Variants in SCP2 observed in about 807,000 individuals in gnomAD.
SCP2 encodes the protein SCP-2/3-oxoacyl-CoA thiolase.
Under a neutral mutation model 71.4 loss-of-function variants are expected in SCP2, and 48 were observed. That is an observed-to-expected ratio of 0.67 (90% CI 0.53 to 0.86). The LOEUF is 0.86. Among genes scored for constraint, SCP2 ranks in the 40% least tolerant of loss-of-function variants. SCP2 has a pLI of 0.00. For synonymous variants in SCP2, 220 were observed against 218.1 expected, an observed-to-expected ratio of 1.01 and a Z score of -0.08; for missense variants, 560 against 655.6, an observed-to-expected ratio of 0.85 and a Z score of 1.59.
intron 4 of SCP2, among the ~76,000 whole-genome samples, chr1:52,954,235 G>A (rs1655593985): frequency 6.6e-6 from 1 of 150,854 alleles, no homozygotes; most frequent in African/African-American, 2.4e-5. Context: ...GATCGTTTGA[G>A]CCTGAGAGGT....
intron 6 of SCP2, among the ~76,000 whole-genome samples, chr1:52,971,370 T>C (rs1378879875): frequency 6.6e-6 from 1 of 152,238 alleles, no homozygotes; most frequent in Admixed American, 6.5e-5. Context: ...TCTCAAGTTT[T>C]ACATTGCTCA....
chr1:52,966,868 G>A (rs1041675038), intron 6 of SCP2, among the ~76,000 whole-genome samples: 1 of 151,430 alleles, frequency 6.6e-6, no homozygotes, highest in Non-Finnish European at 1.5e-5. Context: ...ACTCCAGCCT[G>A]GGTGACAGGA....
At chr1:53,047,063 A>G (rs762501460) in intron 14 of SCP2, among the ~76,000 whole-genome samples, 65 of 152,324 alleles carry the variant, frequency 4.3e-4, no homozygotes, top group East Asian at 9.6e-4. Flanking sequence ...TCCATGTCCA[A>G]GTTCATTCAG....
intron 12 of SCP2, among the ~76,000 whole-genome samples, chr1:53,026,468 T>G (rs1206165788): frequency 6.6e-6 from 1 of 152,290 alleles, no homozygotes; most frequent in South Asian, 2.1e-4. Context: ...ATATCCCCAG[T>G]GTTTTGAAAT....
Position 52,927,339 on chromosome 1 carries a change from G to T in SCP2, c.-58G>T. ...TTCAGGGAGCTCTGGTGCAGTCTCC[G>T]CCTGTCAGTGCCGGCAGTCGTCCGC... On this transcript the variant is annotated 5_prime_UTR_variant, in exon 1 of 16. Transcript: ENST00000371514. 7.0e-7 allele frequency: 1 copy of T among 1,430,212 alleles called. No individual in the cohort carries two copies. Among genetic ancestry groups the T allele is most frequent in the Non-Finnish European group, 9.6e-7 (1 of 1,041,064 alleles). The allele number at this position is 1,430,212 out of a possible 1,614,324, so 88.6% of individuals were successfully genotyped here. A position where few individuals can be genotyped will look rare whatever the true frequency, so the allele number is the denominator to read the frequency against.
At chr1:52,973,534 A>C (rs949922669) in intron 6 of SCP2, among the ~76,000 whole-genome samples, 8 of 152,180 alleles carry the variant, frequency 5.3e-5, no homozygotes, top group African/African-American at 1.9e-4. Flanking sequence ...ACATAATTTG[A>C]CTTGTCTTAT....
At chr1:52,987,069 C>A (rs1347698378) in intron 10 of SCP2, among the ~76,000 whole-genome samples, 2 of 144,906 alleles carry the variant, frequency 1.4e-5, no homozygotes, top group South Asian at 4.4e-4. Flanking sequence ...CACCACCATG[C>A]CTGGCTAATT....
intron 14 of SCP2, 106 bp downstream of exon 14, chr1:53,039,152 TA>T (rs974670586): frequency 3.6e-6 from 5 of 1,377,022 alleles, no homozygotes; most frequent in Non-Finnish European, 5.1e-6. Context: ...GACTGGCTTT[TA>T]ATGTTAAAGA....
At chr1:53,000,267 A>AG (rs1557599296) in intron 11 of SCP2, among the ~76,000 whole-genome samples, 2 of 149,258 alleles carry the variant, frequency 1.3e-5, no homozygotes, top group East Asian at 1.9e-4. Context: ...AAAAAAAAAA[A>AG]AAAGAAAGAA....
chr1:52,991,771 G>A (rs1229170735), intron 11 of SCP2, among the ~76,000 whole-genome samples: 1 of 151,626 alleles, frequency 6.6e-6, no homozygotes, highest in Non-Finnish European at 1.5e-5. Context: ...TCTTTAATTT[G>A]GTTTTTTTTT....
At chr1:52,988,825 A>G (rs1256807032) in intron 11 of SCP2, among the ~76,000 whole-genome samples, 2 of 151,724 alleles carry the variant, frequency 1.3e-5, no homozygotes, top group Non-Finnish European at 2.9e-5. Flanking sequence ...AGCTGGGACT[A>G]CAGGCTTGTG....
chr1:53,026,332 C>G (rs1662128884), intron 12 of SCP2, among the ~76,000 whole-genome samples: 1 of 152,156 alleles, frequency 6.6e-6, no homozygotes, highest in Non-Finnish European at 1.5e-5. Flanking sequence ...AAACTATAGT[C>G]ACCCTACTCC....
At chr1:52,939,876 A>T (rs1254675820) in intron 1 of SCP2, among the ~76,000 whole-genome samples, 1 of 151,760 alleles carries the variant, frequency 6.6e-6, no homozygotes, top group African/African-American at 2.4e-5. Context: ...CATCATGTTG[A>T]CCAGTCTGGT....
rs989873873 is a variant in SCP2 at position 53,050,832 on chromosome 1, T to C, written c.*128T>C. The C allele has an allele frequency of 1.1e-5, 8 of 731,700 alleles. No homozygotes were observed. Among genetic ancestry groups the C allele is most frequent in the African/African-American group, 3.5e-5 (2 of 57,174 alleles). The allele number at this position is 731,700 out of a possible 1,614,324, so 45.3% of individuals were successfully genotyped here. A position where few individuals can be genotyped will look rare whatever the true frequency, so the allele number is the denominator to read the frequency against. On this transcript the variant is annotated 3_prime_UTR_variant, in exon 16 of 16. Transcript: ENST00000371514. ...AGCGTGGGATAGATTTGTTTCTTAATGGGTGTGACCAATCCTGTTTTTCCT... is the reference window on the plus strand; with the variant it reads ...AGCGTGGGATAGATTTGTTTCTTAACGGGTGTGACCAATCCTGTTTTTCCT...
Position 53,047,820 on chromosome 1 carries a change from C to G in SCP2, c.1469-38C>G, listed in dbSNP as rs140759842. 6.2e-5 allele frequency: 86 copies of G among 1,396,336 alleles called. No individual in the cohort carries two copies. The African/African-American group carries it at 1.0e-3, about 17-fold the overall frequency. The allele number at this position is 1,396,336 out of a possible 1,614,324, so 86.5% of individuals were successfully genotyped here. On this transcript the variant is annotated intron_variant, in intron 14 of 15. Transcript: ENST00000371514. ...AAAATGTATATGTGAAACTGAACAC[C>G]TCCTATTCTCCTTCCTTCTCCTGTG...
chr1:52,941,754 A>T (rs772474185), intron 1 of SCP2, 42 bp from the exon 2 acceptor site: 115 of 1,366,188 alleles, frequency 8.4e-5, no homozygotes, highest in Non-Finnish European at 1.1e-4. Flanking sequence ...AAAAAATGTA[A>T]CTATACTTGT....
Position 52,974,802 on chromosome 1 carries a change from G to A in SCP2, c.557G>A (p.Trp186Ter). The A allele has an allele frequency of 1.3e-6, 2 of 1,547,984 alleles. No individual in the cohort carries two copies. The highest frequency in any genetic ancestry group is 1.8e-6 in the Non-Finnish European group (2 of 1,119,944). Residue 186 changes from tryptophan (W) to a stop codon, truncating the protein, a stop_gained, in exon 7 of 16, where the codon TGG (tryptophan) becomes TAG (stop). Transcript: ENST00000371514. LOFTEE classifies it high-confidence loss of function. ...ATTGAACACTTTGCAAAAATTGGAT[G>A]GAAAAATCATAAACATTCAGTTAAT... ...TKIEHFAKIG[W>*]KNHKHSVNNP...
At chr1:52,960,804 C>T (rs1010770661) in intron 5 of SCP2, among the ~76,000 whole-genome samples, 4 of 150,822 alleles carry the variant, frequency 2.7e-5, no homozygotes, top group Non-Finnish European at 5.9e-5. Context: ...GGCTGGAGTG[C>T]AGTAGTGGTG....
chr1:52,960,946 T>A (rs1557562957), intron 5 of SCP2, among the ~76,000 whole-genome samples: 4 of 151,466 alleles, frequency 2.6e-5, no homozygotes, highest in Non-Finnish European at 5.9e-5. Flanking sequence ...AGAGATAGGG[T>A]TCACCATGTT....
Sources: gnomAD v4.1 joint callset for allele counts (sites outside exome capture counted in the v4.1 genomes callset) on GRCh38, gnomAD v4.1.1 for gene constraint, MANE v1.5 for transcripts, NCBI Gene and HGNC (gene_info 2026-07-23, HGNC 2026-07-21) for gene names.